BTBD7: variants seen among roughly 807,000 people sequenced by gnomAD.
The protein encoded by BTBD7 is BTB domain containing 7, also known as BTB/POZ domain-containing protein 7.
In BTBD7, 38 loss-of-function variants were observed where a neutral mutation model predicts 99.9. The ratio of observed to expected loss-of-function variants is 0.38; its 90% CI spans 0.29 to 0.50. The LOEUF (loss-of-function observed/expected upper bound fraction) is 0.50, where lower values mean the gene tolerates loss of function less well. Among genes scored for constraint, BTBD7 ranks in the 20% least tolerant of loss-of-function variants. The probability of loss-of-function intolerance (pLI) is 0.93; values close to 1 mark genes in which losing one functional copy is unlikely to be tolerated. For synonymous variants in BTBD7, 520 were observed against 511.4 expected, an observed-to-expected ratio of 1.02 and a Z score of -0.23; for missense variants, 1,170 against 1,394.6, an observed-to-expected ratio of 0.84 and a Z score of 2.57.
At chr14:93,258,022 C>T (rs1479665442) in intron 5 of BTBD7, among the ~76,000 whole-genome samples, 3 of 151,880 alleles carry the variant, frequency 2.0e-5, no homozygotes, top group African/African-American at 7.3e-5. Flanking sequence ...TACATGTATG[C>T]TTATGCTATT....
intron 1 of BTBD7, among the ~76,000 whole-genome samples, chr14:93,300,257 C>CTTTTTTTTT: frequency 8.4e-6 from 1 of 119,650 alleles, no homozygotes; most frequent in African/African-American, 3.6e-5. Flanking sequence ...TTTCTTTGTT[C>CTTTTTTTTT]TTTTTTTTTT....
intron 8 of BTBD7, among the ~76,000 whole-genome samples, chr14:93,251,071 A>G (rs2052363283): frequency 2.0e-5 from 3 of 152,254 alleles, no homozygotes; most frequent in Admixed American, 2.0e-4. Flanking sequence ...GTCTAGAAAC[A>G]TAAAAATGTT....
intron 3 of BTBD7, among the ~76,000 whole-genome samples, chr14:93,293,288 CATG>C (rs2052880502): frequency 2.0e-5 from 3 of 152,150 alleles, no homozygotes; most frequent in Admixed American, 1.3e-4. Context: ...GAAGAAGGCA[CATG>C]AGTCTAGCGC....
chr14:93,310,853 T>C (rs2053129214), intron 1 of BTBD7, among the ~76,000 whole-genome samples: 2 of 150,460 alleles, frequency 1.3e-5, no homozygotes, highest in South Asian at 2.1e-4. Flanking sequence ...CAAAAGTCTA[T>C]TGAATTCCCT....
At chr14:93,297,160 T>C (rs1297194831) in intron 1 of BTBD7, among the ~76,000 whole-genome samples, 1 of 152,222 alleles carries the variant, frequency 6.6e-6, no homozygotes, top group Non-Finnish European at 1.5e-5. Context: ...GAAAAACACG[T>C]ACACAAATTA....
intron 1 of BTBD7, among the ~76,000 whole-genome samples, chr14:93,330,680 T>C (rs1471790850): frequency 6.6e-6 from 1 of 152,234 alleles, no homozygotes; most frequent in Non-Finnish European, 1.5e-5. Context: ...ATCATTCATC[T>C]AATGCAAAAC....
In BTBD7 at chr14:93,252,576, G is replaced by C. The variant is rs1038620128; in HGVS notation, c.1753-924C>G. Reference sequence around the variant, plus strand: ...TTTTTGTAGAGACAGGGTCTCACTAGGTTGCCCAGGCTGCTCTTGAACTCC... The same window carrying C: ...TTTTTGTAGAGACAGGGTCTCACTACGTTGCCCAGGCTGCTCTTGAACTCC... On this transcript the variant is annotated intron_variant, in intron 7 of 10. Transcript: ENST00000334746. Among the ~76,000 whole-genome samples the C allele has an allele frequency of 2.4e-4, 37 of 151,030 alleles. 1 individual carries two copies. The highest frequency in any genetic ancestry group is 8.8e-5 in the Non-Finnish European group (6 of 67,822).
chr14:93,255,610 C>T (rs986765430), intron 6 of BTBD7: 3 of 151,740 alleles, frequency 2.0e-5, no homozygotes, highest in Non-Finnish European at 2.9e-5. Context: ...ATTCTTGTGC[C>T]TCAGCCTCTC....
At position 93,253,807 on chromosome 14, in the gene BTBD7, T is replaced by G; in HGVS notation, c.1609-17A>C. 1.3e-6 allele frequency: 2 copies of G among 1,533,438 alleles called. No individual in the cohort carries two copies. Among genetic ancestry groups the G allele is most frequent in the Non-Finnish European group, 1.8e-6 (2 of 1,131,466 alleles). 95.0% of individuals were successfully genotyped at this position (1,533,438 alleles called of 1,614,324 possible). A position where few individuals can be genotyped will look rare whatever the true frequency, so the allele number is the denominator to read the frequency against. On this transcript the variant is annotated splice_polypyrimidine_tract_variant and intron_variant, in intron 6 of 10. Transcript: ENST00000334746. ...TCTTTTCATCTAAAAAAAAATTTTT[T>G]TTTTAGATAGAAATCTGTGTAGTAC...
chr14:93,331,557 G>A (rs1292475353), intron 1 of BTBD7, among the ~76,000 whole-genome samples: 1 of 152,170 alleles, frequency 6.6e-6, no homozygotes, highest in Non-Finnish European at 1.5e-5. Context: ...GCAATCTAAA[G>A]GAAACAGATG....
intron 5 of BTBD7, 130 bp downstream of exon 5, chr14:93,261,472 G>T: frequency 1.3e-6 from 1 of 741,680 alleles, no homozygotes; most frequent in Non-Finnish European, 2.4e-6. Context: ...GATTTTGCTG[G>T]TGGTAAAAAC....
chr14:93,328,335 C>T (rs940184601), intron 1 of BTBD7, among the ~76,000 whole-genome samples: 8 of 152,122 alleles, frequency 5.3e-5, no homozygotes, highest in Non-Finnish European at 1.2e-4. Flanking sequence ...AAAGTGGAGT[C>T]TCACACTTCT....
chr14:93,270,651 T>C (rs6575314), intron 3 of BTBD7, among the ~76,000 whole-genome samples: 57,775 of 150,066 alleles, frequency 0.38, 12,235 homozygotes, highest in African/African-American at 0.58. Context: ...GCCGAGGTTG[T>C]GCCACTGTAC....
intron 5 of BTBD7, among the ~76,000 whole-genome samples, 157 bp downstream of exon 5, chr14:93,261,445 T>C (rs2052488287): frequency 6.6e-6 from 1 of 152,258 alleles, no homozygotes; most frequent in African/African-American, 2.4e-5. Context: ...TAATAAACTA[T>C]ACCCTGTCCA....
chr14:93,251,548 C>T lies in BTBD7; in HGVS notation c.1857G>A (p.Val619=). 6 of 1,614,008 alleles carry T rather than the reference C, an allele frequency of 3.7e-6. No homozygotes were observed. Among genetic ancestry groups the T allele is most frequent in the Non-Finnish European group, 5.1e-6 (6 of 1,179,904 alleles). ...PDTLYMVNNA[V]PQCCHMISHQ... The stretch of plus-strand genomic sequence containing the variant: ...GGCTGATCATGTGACAACACTGTGG[C>T]ACGGCATTATTGACCATGTAGAGCG... The change falls in exon 8 of 11, where the codon GTG becomes GTA. Residue 619 remains valine, a synonymous_variant. Transcript: ENST00000334746.
chr14:93,254,149 G>A (rs1236268247), intron 6 of BTBD7, among the ~76,000 whole-genome samples: 2 of 152,072 alleles, frequency 1.3e-5, no homozygotes, highest in Admixed American at 6.5e-5. Flanking sequence ...ATGTTGGTCA[G>A]GCTGGTCTGG....
At chr14:93,269,309 G>T (rs1167148031) in intron 3 of BTBD7, among the ~76,000 whole-genome samples, 1 of 152,162 alleles carries the variant, frequency 6.6e-6, no homozygotes, top group Non-Finnish European at 1.5e-5. Context: ...ATCAATATTG[G>T]AATGAAAATG....
At position 93,294,513 on chromosome 14, in the gene BTBD7, T is replaced by A. The variant is rs2052899920; in HGVS notation, c.507A>T (p.Thr169=). The change falls in exon 3 of 11, where the codon ACA becomes ACT. Residue 169 remains threonine, a synonymous_variant. Coordinates refer to ENST00000334746, the MANE Select transcript of BTBD7 (RefSeq NM_001002860.4). ...ILAARCPFFK[T]LLSSSPEYGA... Reference sequence around the variant, plus strand: ...CATACTCTGGTGAGGAAGAAAGCAGTGTTTTAAAAAATGGACACCTTGCTG... The same window carrying A: ...CATACTCTGGTGAGGAAGAAAGCAGAGTTTTAAAAAATGGACACCTTGCTG... 4.3e-6 allele frequency: 7 copies of A among 1,613,980 alleles called. No homozygotes were observed. Among genetic ancestry groups the A allele is most frequent in the Non-Finnish European group, 5.9e-6 (7 of 1,179,978 alleles).
At chr14:93,307,536 T>A (rs889870981) in intron 1 of BTBD7, among the ~76,000 whole-genome samples, 5 of 152,222 alleles carry the variant, frequency 3.3e-5, no homozygotes, top group African/African-American at 1.2e-4. Context: ...TAGGCTGTCA[T>A]CTGATCCCTG....
Sources: gnomAD v4.1 joint callset for allele counts (sites outside exome capture counted in the v4.1 genomes callset) on GRCh38, gnomAD v4.1.1 for gene constraint, MANE v1.5 for transcripts, NCBI Gene and HGNC (gene_info 2026-07-23, HGNC 2026-07-21) for gene names.